Variants in ADSS2 observed in about 807,000 individuals in gnomAD.
The protein encoded by ADSS2 is adenylosuccinate synthetase isozyme 2.
Under a neutral mutation model 60.0 loss-of-function variants are expected in ADSS2, and 30 were observed. The observed-to-expected ratio is 0.50, with a 90% confidence interval of 0.37 to 0.68. The LOEUF (loss-of-function observed/expected upper bound fraction) is 0.68, where lower values mean the gene tolerates loss of function less well. Ranked by LOEUF, ADSS2 falls within the 30% of genes least tolerant of loss-of-function variation. The pLI, the probability that ADSS2 is intolerant of heterozygous loss-of-function variation, is 0.00. For missense variants in ADSS2, 373 were observed against 554.8 expected, an observed-to-expected ratio of 0.67 and a Z score of 3.29; for synonymous variants, 187 against 193.1, an observed-to-expected ratio of 0.97 and a Z score of 0.26.
At chr1:244,433,904 T>C (rs1041764321) in intron 3 of ADSS2, among the ~76,000 whole-genome samples, 7 of 151,202 alleles carry the variant, frequency 4.6e-5, no homozygotes, top group African/African-American at 1.7e-4. Context: ...ATAAACTTTT[T>C]CATTAATTCT....
chr1:244,413,141 G>C (rs375546452), intron 11 of ADSS2, among the ~76,000 whole-genome samples: 1 of 152,194 alleles, frequency 6.6e-6, no homozygotes, highest in African/African-American at 2.4e-5. Context: ...TGGGTCAAGG[G>C]GGGCAGCAGG....
chr1:244,424,349 G>C lies in ADSS2; in HGVS notation c.445C>G (p.Gln149Glu). The C allele has an allele frequency of 6.2e-7, 1 of 1,613,294 alleles. No individual in the cohort carries two copies. Among genetic ancestry groups the C allele is most frequent in the Non-Finnish European group, 8.5e-7 (1 of 1,179,576 alleles). Residue 149 changes from glutamine (Q) to glutamate (E), a missense_variant, in exon 5 of 13, where the codon CAA becomes GAA. This residue lies in a region of ADSS2 where 139 missense variants were observed against 189.4 expected (regional missense o/e 0.73). Transcript: ENST00000366535. ...FHQAADGIQE[Q>E]QRQEQAGKNL... ...TTTCCTGCTTGTTCTTGTCTCTGTT[G>C]TTCCTGGATACCATCAGCTGCTTGA...
chr1:244,419,118 A>C (rs1026604557), intron 8 of ADSS2: 19 of 510,974 alleles, frequency 3.7e-5, no homozygotes, highest in Non-Finnish European at 6.1e-5. Flanking sequence ...CTTTAACGCA[A>C]GTGCTTATAC....
At position 244,451,534 on chromosome 1, in the gene ADSS2, G is replaced by A; in HGVS notation, c.183+101C>T. ...GAGCCTCAAGGTGACACCTCATTTTGGCCAGTGGATCCGGGTTCTGGGTCC... is the reference window on the plus strand; with the variant it reads ...GAGCCTCAAGGTGACACCTCATTTTAGCCAGTGGATCCGGGTTCTGGGTCC... On this transcript the variant is annotated intron_variant, in intron 1 of 12. Coordinates refer to ENST00000366535, the MANE Select transcript of ADSS2 (RefSeq NM_001126.5). The surrounding 1 kb of genome is among the most constrained non-coding windows in gnomAD (Gnocchi z 6.6). 2.3e-6 allele frequency: 3 copies of A among 1,278,214 alleles called. No homozygotes were observed. The allele number at this position is 1,278,214 out of a possible 1,614,324, so 79.2% of individuals were successfully genotyped here.
chr1:244,432,766 G>A (rs963381604), intron 3 of ADSS2, among the ~76,000 whole-genome samples, 171 bp from the exon 4 acceptor site: 13 of 143,310 alleles, frequency 9.1e-5, no homozygotes, highest in Admixed American at 2.3e-4. Context: ...CGGGTTCACT[G>A]CCATTCTCCT....
At chr1:244,441,104 G>A (rs1008065780) in intron 1 of ADSS2, among the ~76,000 whole-genome samples, 15 of 150,096 alleles carry the variant, frequency 1.0e-4, no homozygotes, top group South Asian at 4.2e-4. Context: ...TGTCTCCCAG[G>A]CTGGAGTGCA....
chr1:244,437,272 G>A (rs1665125932), intron 2 of ADSS2, among the ~76,000 whole-genome samples: 1 of 152,034 alleles, frequency 6.6e-6, no homozygotes, highest in Admixed American at 6.6e-5. Context: ...AAGGAGAGTA[G>A]AAAAGATCAG....
At chr1:244,445,747 TA>T (rs1665368795) in intron 1 of ADSS2, among the ~76,000 whole-genome samples, 1 of 152,184 alleles carries the variant, frequency 6.6e-6, no homozygotes, top group African/African-American at 2.4e-5. Context: ...TCTCCTTCCC[TA>T]AATCACTCCT....
intron 4 of ADSS2, among the ~76,000 whole-genome samples, chr1:244,431,592 TAGACAACATACA>T: frequency 6.6e-6 from 1 of 152,340 alleles, no homozygotes; most frequent in Admixed American, 6.5e-5. Context: ...AGTCTACTAA[TAGACAACATACA>T]GGACAACAAA....
chr1:244,432,660 C>CTTTTT lies in ADSS2; in HGVS notation c.356-70_356-66dup, dbSNP rs532312490. On this transcript the variant is annotated intron_variant, in intron 3 of 12. Coordinates refer to ENST00000366535, the MANE Select transcript of ADSS2 (RefSeq NM_001126.5). ...TATAGCAGTTTTAAAATCTTAATTT[C>CTTTTT]TTTTTTTTTTTTTTTTTTTTTGAGA... 5.4e-3 allele frequency: 2,101 copies of CTTTTT among 386,612 alleles called. 9 individuals are homozygous for CTTTTT. Among genetic ancestry groups the CTTTTT allele is most frequent in the South Asian group, 7.6e-3 (303 of 39,720 alleles). The allele number at this position is 386,612 out of a possible 1,614,324, so 23.9% of individuals were successfully genotyped here.
intron 1 of ADSS2, among the ~76,000 whole-genome samples, chr1:244,446,372 T>C (rs551697786): frequency 7.9e-4 from 120 of 152,266 alleles, no homozygotes; most frequent in African/African-American, 2.7e-3. Flanking sequence ...ACCAGCAAGT[T>C]GATCAAATTT....
At chr1:244,450,526 T>C (rs930215583) in intron 1 of ADSS2, among the ~76,000 whole-genome samples, 24 of 152,252 alleles carry the variant, frequency 1.6e-4, no homozygotes, top group Non-Finnish European at 2.5e-4. Flanking sequence ...CAAGGGGGCC[T>C]ATAACTTACT....
At chr1:244,432,393 G>T (rs1176175541) in intron 4 of ADSS2, 152 bp downstream of exon 4, 4 of 541,972 alleles carry the variant, frequency 7.4e-6, no homozygotes, top group Non-Finnish European at 9.2e-6. Flanking sequence ...AAAAAAATTA[G>T]TAAGTATTTT....
At chr1:244,419,379 C>G (rs1448238583) in intron 8 of ADSS2, 1 of 152,578 alleles carries the variant, frequency 6.6e-6, no homozygotes, top group East Asian at 1.9e-4. Context: ...AGGGAATAAC[C>G]CTCCAATTAT....
At chr1:244,411,251 A>G (rs749607188) in intron 12 of ADSS2, 36 bp downstream of exon 12, 2 of 1,568,244 alleles carry the variant, frequency 1.3e-6, no homozygotes, top group South Asian at 2.4e-5. Context: ...GAGAGAGAGA[A>G]AAGAAAAAAC....
At chr1:244,421,324 T>C (rs1440402732) in intron 7 of ADSS2, among the ~76,000 whole-genome samples, 1 of 152,208 alleles carries the variant, frequency 6.6e-6, no homozygotes, top group African/African-American at 2.4e-5. Context: ...TAGGTTCAAC[T>C]ATGTTTAAAT....
At chr1:244,449,766 A>C (rs1665485917) in intron 1 of ADSS2, among the ~76,000 whole-genome samples, 1 of 152,192 alleles carries the variant, frequency 6.6e-6, no homozygotes, top group Non-Finnish European at 1.5e-5. Context: ...TCTGCCCAAC[A>C]AGGCCCCTCA....
At chr1:244,430,244 G>C (rs939084819) in intron 4 of ADSS2, among the ~76,000 whole-genome samples, 1 of 151,882 alleles carries the variant, frequency 6.6e-6, no homozygotes, top group Non-Finnish European at 1.5e-5. Context: ...TTTTGTTTTG[G>C]TGGTCTAAAG....
chr1:244,443,957 G>C (rs1665315913), intron 1 of ADSS2, among the ~76,000 whole-genome samples: 1 of 152,016 alleles, frequency 6.6e-6, no homozygotes, highest in Non-Finnish European at 1.5e-5. Flanking sequence ...TTTTACTTCT[G>C]AAATATACCC....
Sources: allele counts gnomAD v4.1 joint callset (sites outside exome capture counted in the v4.1 genomes callset), GRCh38; gene constraint gnomAD v4.1.1; regional missense constraint gnomAD v4.1.1; non-coding constraint Gnocchi (gnomAD v3.1); transcripts MANE v1.5; gene names NCBI Gene and HGNC (gene_info 2026-07-23, HGNC 2026-07-21).